The following PRKG1 variants were observed in gnomAD, a reference collection of about 807,000 sequenced individuals.
PRKG1 encodes the protein protein kinase cGMP-dependent 1, also known as cGMP-dependent protein kinase 1.
In PRKG1, 35 loss-of-function variants were observed where a neutral mutation model predicts 88.1. The ratio of observed to expected loss-of-function variants is 0.40; its 90% confidence interval spans 0.30 to 0.53. PRKG1 has a LOEUF of 0.53. Among genes scored for constraint, PRKG1 ranks in the 20% least tolerant of loss-of-function variants. PRKG1 has a pLI of 0.59. For synonymous variants in PRKG1, 303 were observed against 292.5 expected, an observed-to-expected ratio of 1.04 and a Z score of -0.37; for missense variants, 540 against 839.8, an observed-to-expected ratio of 0.64 and a Z score of 4.41.
chr10:51,894,293 T>C (rs189859418), intron 4 of PRKG1, among the ~76,000 whole-genome samples: 1 of 152,314 alleles, frequency 6.6e-6, no homozygotes, highest in East Asian at 1.9e-4. Context: ...GACATTATAC[T>C]GGATGAAATA....
At chr10:52,233,004 C>T (rs1378530712) in intron 9 of PRKG1, among the ~76,000 whole-genome samples, 1 of 151,990 alleles carries the variant, frequency 6.6e-6, no homozygotes, top group Admixed American at 6.6e-5. Flanking sequence ...ATTGAACATC[C>T]CCATTGTTAA....
chr10:51,704,246 C>CAGATAGATAGATAGAT lies in PRKG1; in HGVS notation c.593-100336_593-100335insTAGATAGATAGATAGA, dbSNP rs1464008954. Among the ~76,000 whole-genome samples, 1,452 of 150,638 alleles carry CAGATAGATAGATAGAT rather than the reference C, an allele frequency of 9.6e-3. 21 individuals carry two copies. The highest frequency in any genetic ancestry group is 0.033 in the African/African-American group (1,364 of 40,814). ...GATAGATGATAGATAGACAGACAGA[C>CAGATAGATAGATAGAT]AGACAGATAGATAGATAGATAGATA... On this transcript the variant is annotated intron_variant, in intron 3 of 17. Coordinates refer to ENST00000373980, the MANE Select transcript of PRKG1 (RefSeq NM_006258.4).
At chr10:51,376,344 TCA>T (rs1316189656) in intron 2 of PRKG1, among the ~76,000 whole-genome samples, 4 of 152,366 alleles carry the variant, frequency 2.6e-5, no homozygotes, top group Admixed American at 2.6e-4. Context: ...TTCTCTTTTC[TCA>T]GTGTTTCATT....
chr10:51,027,024 T>A (rs1843215844), intron 1 of PRKG1, among the ~76,000 whole-genome samples: 1 of 152,068 alleles, frequency 6.6e-6, no homozygotes, highest in South Asian at 2.1e-4. Flanking sequence ...AATCTCTTAC[T>A]CAGGACTTAC....
intron 5 of PRKG1, among the ~76,000 whole-genome samples, chr10:52,045,867 G>A (rs1365853869): frequency 2.6e-5 from 4 of 152,056 alleles, no homozygotes; most frequent in African/African-American, 9.7e-5. Flanking sequence ...CTGGGGGCAT[G>A]ATGGTTCTTG....
intron 4 of PRKG1, among the ~76,000 whole-genome samples, chr10:51,841,550 A>C (rs1353826863): frequency 6.6e-6 from 1 of 152,172 alleles, no homozygotes; most frequent in Non-Finnish European, 1.5e-5. Flanking sequence ...AAAAATGCAT[A>C]AGATTTTTAA....
rs192571613 is a variant in PRKG1, at chr10:51,976,936, T to G, written c.762+69366T>G. The stretch of plus-strand genomic sequence containing the variant: ...TCATTTTTTCCATATATATTGAATG[T>G]TTCTGAAAATGAACTTTCATAAATA... On this transcript the variant is annotated intron_variant, in intron 5 of 17. Transcript: ENST00000373980. Among the ~76,000 whole-genome samples the G allele has an allele frequency of 2.6e-5, 4 of 152,124 alleles. No individual in the cohort carries two copies. The East Asian group carries it at 5.8e-4, about 22-fold the overall frequency.
intron 2 of PRKG1, among the ~76,000 whole-genome samples, chr10:51,192,363 G>C (rs1193487298): frequency 6.6e-6 from 1 of 151,770 alleles, no homozygotes; most frequent in African/African-American, 2.4e-5. Context: ...AAAATAGAAT[G>C]GGTTGAGATG....
intron 3 of PRKG1, among the ~76,000 whole-genome samples, chr10:51,733,094 C>T (rs1002853895): frequency 2.0e-5 from 3 of 152,118 alleles, no homozygotes; most frequent in African/African-American, 7.2e-5. Flanking sequence ...ACACCTCTTT[C>T]TCTTGTCTCT....
intron 3 of PRKG1, among the ~76,000 whole-genome samples, chr10:51,721,729 A>C (rs991614850): frequency 1.4e-4 from 20 of 142,356 alleles, no homozygotes; most frequent in African/African-American, 5.1e-4. Context: ...TATTATCATA[A>C]CCAGTGGTAT....
At chr10:51,947,676 A>G (rs1843082206) in intron 5 of PRKG1, among the ~76,000 whole-genome samples, 2 of 152,178 alleles carry the variant, frequency 1.3e-5, no homozygotes, top group Non-Finnish European at 2.9e-5. Context: ...TGGGCTGAGG[A>G]GAAGGAGCCC....
intron 1 of PRKG1, among the ~76,000 whole-genome samples, chr10:51,082,710 A>C (rs1454512757): frequency 1.3e-5 from 2 of 148,200 alleles, no homozygotes; most frequent in Non-Finnish European, 2.9e-5. Flanking sequence ...GGCCTGCGAA[A>C]GCATAGCTGG....
chr10:52,255,800 T>C (rs559528559), intron 10 of PRKG1, among the ~76,000 whole-genome samples: 18 of 152,046 alleles, frequency 1.2e-4, no homozygotes, highest in Non-Finnish European at 2.4e-4. Flanking sequence ...ACCTGATGCA[T>C]TATGGAACAT....
At chr10:51,631,775 C>T (rs1839533589) in intron 3 of PRKG1, among the ~76,000 whole-genome samples, 1 of 152,176 alleles carries the variant, frequency 6.6e-6, no homozygotes, top group Admixed American at 6.5e-5. Flanking sequence ...GGAGGTGGAG[C>T]TCGGGTGGTA....
At chr10:52,190,432 C>T (rs115232182) in intron 9 of PRKG1, among the ~76,000 whole-genome samples, 2 of 152,202 alleles carry the variant, frequency 1.3e-5, no homozygotes, top group South Asian at 2.1e-4. Context: ...ATTTTACTTA[C>T]ATTTTTAATA....
chr10:51,716,527 C>T (rs1841891355), intron 3 of PRKG1, among the ~76,000 whole-genome samples: 1 of 152,134 alleles, frequency 6.6e-6, no homozygotes, highest in African/African-American at 2.4e-5. Context: ...TGATCACTTA[C>T]CTTAATAACC....
At chr10:51,743,174 C>T (rs141522914) in intron 3 of PRKG1, among the ~76,000 whole-genome samples, 95 of 152,042 alleles carry the variant, frequency 6.2e-4, no homozygotes, top group Non-Finnish European at 7.9e-4. Flanking sequence ...CTTTCAATAC[C>T]GGGCCTATTT....
chr10:51,290,026 ATTC>A (rs1840542216), intron 2 of PRKG1, among the ~76,000 whole-genome samples: 1 of 152,144 alleles, frequency 6.6e-6, no homozygotes, highest in Non-Finnish European at 1.5e-5. Context: ...ATTAGGGATT[ATTC>A]TTTGATAATT....
chr10:52,255,462 A>G (rs962362744), intron 10 of PRKG1, among the ~76,000 whole-genome samples: 2 of 152,052 alleles, frequency 1.3e-5, no homozygotes, highest in African/African-American at 4.8e-5. Context: ...AGCAATCCAC[A>G]TATCTCCTAT....
Sources: gnomAD v4.1 joint callset for allele counts (sites outside exome capture counted in the v4.1 genomes callset) on GRCh38, gnomAD v4.1.1 for gene constraint, MANE v1.5 for transcripts, NCBI Gene and HGNC (gene_info 2026-07-23, HGNC 2026-07-21) for gene names.